NRXN1: variants seen among roughly 807,000 people sequenced by gnomAD.
NRXN1 encodes the protein neurexin-1.
Under a neutral mutation model 150.9 loss-of-function variants are expected in NRXN1, and 39 were observed. The ratio of observed to expected loss-of-function variants is 0.26; its 90% confidence interval spans 0.20 to 0.34. The LOEUF is 0.34. Ranked by LOEUF, NRXN1 falls within the 10% of genes least tolerant of loss-of-function variation. The probability of loss-of-function intolerance (pLI) is 1.00; values close to 1 mark genes in which losing one functional copy is unlikely to be tolerated. For missense variants in NRXN1, 1,815 were observed against 1,949.9 expected, an observed-to-expected ratio of 0.93 and a Z score of 1.30; for synonymous variants, 924 against 757.0, an observed-to-expected ratio of 1.22 and a Z score of -3.62.
rs576735242 is a variant in NRXN1 at position 50,188,136 on chromosome 2, C to T, written c.3546+48653G>A. Among the ~76,000 whole-genome samples, 20 of 152,136 alleles carry T rather than the reference C, an allele frequency of 1.3e-4. No homozygotes were observed. The South Asian group carries it at 3.7e-3, about 28-fold the overall frequency. Reference sequence around the variant, plus strand: ...TATATTGAATAAGAGTACAAGGCTACAGTAACAAAACCAGCTTGATACTGA... The same window carrying T: ...TATATTGAATAAGAGTACAAGGCTATAGTAACAAAACCAGCTTGATACTGA... On this transcript the variant is annotated intron_variant, in intron 18 of 22. Transcript: ENST00000401669.
At chr2:50,948,906 G>C (rs77618063) in intron 2 of NRXN1, among the ~76,000 whole-genome samples, 157 of 152,090 alleles carry the variant, frequency 1.0e-3, no homozygotes, top group Non-Finnish European at 1.8e-3. Context: ...TTCCTGAATA[G>C]GTATTTCCAT....
At chr2:50,214,577 TAA>T (rs1277716533) in intron 18 of NRXN1, among the ~76,000 whole-genome samples, 2 of 151,976 alleles carry the variant, frequency 1.3e-5, no homozygotes, top group South Asian at 4.1e-4. Context: ...TGCCTAGTTA[TAA>T]AACAGAATTT....
chr2:50,709,142 G>A (rs560387928), intron 5 of NRXN1, among the ~76,000 whole-genome samples: 1 of 152,202 alleles, frequency 6.6e-6, no homozygotes, highest in Admixed American at 6.5e-5. Context: ...CGTACCACAG[G>A]CAACCACATG....
rs118176219 is a variant in NRXN1 at position 50,471,122 on chromosome 2, C to T, written c.3244+1176G>A. Among the ~76,000 whole-genome samples, 107 of 151,598 alleles carry T rather than the reference C, an allele frequency of 7.1e-4. 2 individuals carry two copies. The East Asian group carries it at 0.019, about 26-fold the overall frequency. ...TTTACTTTTTTTTTAATTTCAGTAG[C>T]TTTAGGTGTACAAGTGGTTTTCGGT... On this transcript the variant is annotated intron_variant, in intron 16 of 22. Transcript: ENST00000401669.
chr2:50,935,103 A>G (rs1688328649), intron 2 of NRXN1, among the ~76,000 whole-genome samples: 1 of 152,166 alleles, frequency 6.6e-6, no homozygotes, highest in Admixed American at 6.6e-5. Flanking sequence ...AGAGTTTAAT[A>G]AGCTTTTAAC....
intron 5 of NRXN1, among the ~76,000 whole-genome samples, chr2:50,782,682 G>A (rs1485201607): frequency 1.3e-5 from 2 of 152,176 alleles, no homozygotes; most frequent in Non-Finnish European, 2.9e-5. Flanking sequence ...CAGGGATAGA[G>A]TATTCAAATA....
At chr2:50,856,296 T>A (rs1675263469) in intron 5 of NRXN1, among the ~76,000 whole-genome samples, 1 of 152,006 alleles carries the variant, frequency 6.6e-6, no homozygotes, top group Non-Finnish European at 1.5e-5. Flanking sequence ...AAATCCTGGA[T>A]CATTTCTCAC....
chr2:50,373,294 T>TTTTTA (rs1553512408), intron 17 of NRXN1, among the ~76,000 whole-genome samples: 40 of 140,410 alleles, frequency 2.8e-4, no homozygotes, highest in Admixed American at 8.7e-4. Flanking sequence ...TATTTTATTT[T>TTTTTA]TTATTATTAT....
intron 8 of NRXN1, among the ~76,000 whole-genome samples, chr2:50,604,823 T>C (rs1369920780): frequency 6.6e-6 from 1 of 152,218 alleles, no homozygotes; most frequent in Non-Finnish European, 1.5e-5. Context: ...ATACCTACTA[T>C]GCCCCAAATT....
chr2:50,706,774 G>A (rs1694504090), intron 5 of NRXN1, among the ~76,000 whole-genome samples: 1 of 150,854 alleles, frequency 6.6e-6, no homozygotes, highest in South Asian at 2.1e-4. Flanking sequence ...ATAGCAGAAG[G>A]CAACCAATAT....
intron 18 of NRXN1, among the ~76,000 whole-genome samples, chr2:50,234,368 C>T (rs2065228622): frequency 6.6e-6 from 1 of 151,974 alleles, no homozygotes; most frequent in Non-Finnish European, 1.5e-5. Flanking sequence ...GTGGTGGGCA[C>T]CTGTAATCCT....
intron 17 of NRXN1, among the ~76,000 whole-genome samples, chr2:50,447,512 C>G (rs1391211630): frequency 1.1e-4 from 14 of 131,286 alleles, no homozygotes; most frequent in African/African-American, 3.7e-4. Context: ...AAAAGGAATT[C>G]TGTCCCAGAA....
intron 5 of NRXN1, among the ~76,000 whole-genome samples, chr2:50,639,832 TG>T (rs1207502489): frequency 3.3e-5 from 5 of 152,190 alleles, no homozygotes; most frequent in Non-Finnish European, 7.4e-5. Context: ...CATCAAATTT[TG>T]TTTTTTGCAG....
intron 17 of NRXN1, among the ~76,000 whole-genome samples, chr2:50,352,413 C>G (rs1289833216): frequency 6.6e-6 from 1 of 151,972 alleles, no homozygotes; most frequent in Non-Finnish European, 1.5e-5. Context: ...CCTTAAAGCT[C>G]AGTATTAAGC....
intron 2 of NRXN1, among the ~76,000 whole-genome samples, chr2:50,978,775 A>C (rs1190608014): frequency 6.6e-6 from 1 of 152,032 alleles, no homozygotes; most frequent in Non-Finnish European, 1.5e-5. Context: ...TTTCCCCATG[A>C]ATTATGATAA....
intron 21 of NRXN1, among the ~76,000 whole-genome samples, chr2:50,012,965 A>G (rs576338000): frequency 6.6e-6 from 1 of 152,166 alleles, no homozygotes; most frequent in African/African-American, 2.4e-5. Flanking sequence ...GCTAGTGGAA[A>G]GAATTTGCAA....
intron 22 of NRXN1, among the ~76,000 whole-genome samples, chr2:49,933,529 A>C (rs935907309): frequency 6.6e-6 from 1 of 152,190 alleles, no homozygotes; most frequent in Non-Finnish European, 1.5e-5. Flanking sequence ...GGTAAAAAGA[A>C]TATCGAATTA....
chr2:50,466,488 C>A (rs1197794698), intron 16 of NRXN1: 3 of 469,748 alleles, frequency 6.4e-6, no homozygotes, highest in Non-Finnish European at 1.3e-5. Context: ...ATCAATGCAA[C>A]TTTGTCAGCA....
At chr2:50,291,294 G>C (rs1056312970) in intron 17 of NRXN1, among the ~76,000 whole-genome samples, 2 of 151,972 alleles carry the variant, frequency 1.3e-5, no homozygotes, top group Non-Finnish European at 2.9e-5. Flanking sequence ...CTTCCTCCAA[G>C]TACATAAATG....
Sources: allele counts gnomAD v4.1 joint callset (sites outside exome capture counted in the v4.1 genomes callset), GRCh38; gene constraint gnomAD v4.1.1; transcripts MANE v1.5; gene names NCBI Gene and HGNC (gene_info 2026-07-23, HGNC 2026-07-21).